Variants in TMEM140 observed in about 807,000 individuals in gnomAD.
The protein encoded by TMEM140 is transmembrane protein 140.
For synonymous variants in TMEM140, 107 were observed against 106.8 expected (o/e 1.00, Z -0.01); for missense variants, 236 against 228.5 (o/e 1.03, Z -0.21).
chr7:135,159,950 T>G (rs1437040813), intron 1 of TMEM140, among the ~76,000 whole-genome samples: 1 of 152,184 alleles, frequency 6.6e-6, no homozygotes, highest in Non-Finnish European at 1.5e-5. Flanking sequence ...CATAAGTTGA[T>G]TCACAAAAAT....
chr7:135,150,181 T>C lies in TMEM140; in HGVS notation c.-25+1911T>C, dbSNP rs150480233. On this transcript the variant is annotated intron_variant, in intron 1 of 1. Coordinates refer to ENST00000275767, the MANE Select transcript of TMEM140 (RefSeq NM_018295.5). ...GAGATGAGGACCTAAAATAGTTTTG[T>C]TTCTCTTTTCTAGTTAGCTGATCAA... Among the ~76,000 whole-genome samples the C allele has an allele frequency of 2.9e-3, 438 of 152,280 alleles. 2 individuals carry two copies. Among genetic ancestry groups the C allele is most frequent in the African/African-American group, 0.01 (417 of 41,544 alleles).
At chr7:135,158,832 G>A (rs1829858887) in intron 1 of TMEM140, among the ~76,000 whole-genome samples, 2 of 152,196 alleles carry the variant, frequency 1.3e-5, no homozygotes, top group South Asian at 4.1e-4. Flanking sequence ...CAGCTCGGCA[G>A]CAAGAGCCAT....
intron 1 of TMEM140, among the ~76,000 whole-genome samples, chr7:135,150,865 C>T (rs1363645379): frequency 6.6e-6 from 1 of 152,086 alleles, no homozygotes; most frequent in East Asian, 1.9e-4. Context: ...AACAAACAAA[C>T]AAATTAAGAT....
At position 135,164,849 on chromosome 7, in the gene TMEM140, C is replaced by T. The variant is rs1830050758; in HGVS notation, c.408C>T (p.Ser136=). Residue 136 remains serine (S), a synonymous_variant, in exon 2 of 2, where the codon TCC becomes TCT. Transcript: ENST00000275767. The part of the protein sequence containing the change: ...LLAGGLGLFL[S]YVWKWVRLSL... ...CAGGCGGCCTGGGCCTCTTCCTCTC[C>T]TATGTGTGGAAGTGGGTCAGGCTCT... 3 of 1,614,006 alleles carry T rather than the reference C, an allele frequency of 1.9e-6. No individual in the cohort carries two copies. The highest frequency in any genetic ancestry group is 2.5e-6 in the Non-Finnish European group (3 of 1,179,888).
chr7:135,160,746 A>AC (rs1436102276), intron 1 of TMEM140, among the ~76,000 whole-genome samples: 3 of 151,666 alleles, frequency 2.0e-5, no homozygotes, highest in Non-Finnish European at 4.4e-5. Context: ...AAAAAAAAAA[A>AC]ACAAAAAAAA....
Position 135,164,986 on chromosome 7 carries a change from T to G in TMEM140, c.545T>G (p.Leu182Arg). ...PLRAERAESK[L>R]ESC ...AGGGCTGAGAGGGCTGAGAGCAAGC[T>G]TGAGAGCTGCTAAAGGCTTACGTGA... Residue 182 changes from leucine to arginine, a missense_variant, in exon 2 of 2, where the codon CTT (leucine) becomes CGT (arginine). Coordinates refer to ENST00000275767, the MANE Select transcript of TMEM140 (RefSeq NM_018295.5). 1 of 1,595,884 alleles carries G rather than the reference T, an allele frequency of 6.3e-7. No individual in the cohort carries two copies. The highest frequency in any genetic ancestry group is 8.6e-7 in the Non-Finnish European group (1 of 1,168,746).
At position 135,164,611 on chromosome 7, in the gene TMEM140, A is replaced by G. The variant is rs370353179; in HGVS notation, c.170A>G (p.Glu57Gly). Reference protein sequence around the residue: ...IGFYNFCLWNEDTSTLQCHQF... With the variant: ...IGFYNFCLWNGDTSTLQCHQF... ...TTCTATAACTTCTGCCTGTGGAATG[A>G]GGACACCAGCACCCTACAGTGTCAC... is the stretch of plus-strand genomic sequence containing the variant. The change falls in exon 2 of 2, where the codon GAG becomes GGG. Residue 57 changes from glutamate to glycine, a missense_variant. By Grantham distance (98) the Glu-to-Gly change is moderately conservative. Transcript: ENST00000275767. The G allele has an allele frequency of 2.7e-5, 43 of 1,614,110 alleles. 1 individual carries two copies. The African/African-American group carries it at 3.6e-4, about 14-fold the overall frequency.
In TMEM140 at chr7:135,148,158, C is replaced by A. The variant is rs1829585970; in HGVS notation, c.-137C>A. On this transcript the variant is annotated 5_prime_UTR_variant, in exon 1 of 2. Coordinates refer to ENST00000275767, the MANE Select transcript of TMEM140 (RefSeq NM_018295.5). The stretch of plus-strand genomic sequence containing the variant: ...GCCTGCCATTTCCCTTCCACTCCTC[C>A]TTTCTGGAGTCTGACATTAGAAAGC... The A allele has an allele frequency of 2.3e-6, 1 of 439,758 alleles. No individual in the cohort carries two copies. Among genetic ancestry groups the A allele is most frequent in the African/African-American group, 2.0e-5 (1 of 48,782 alleles). 27.2% of individuals were successfully genotyped at this position (439,758 alleles called of 1,614,324 possible).
intron 1 of TMEM140, 141 bp downstream of exon 1, chr7:135,148,411 C>G: frequency 3.2e-6 from 1 of 308,698 alleles, no homozygotes; most frequent in Non-Finnish European, 6.3e-6. Context: ...TGTGACCCTC[C>G]CTCGCTCATG....
intron 1 of TMEM140, among the ~76,000 whole-genome samples, chr7:135,163,527 C>T (rs1830002063): frequency 6.6e-6 from 1 of 152,092 alleles, no homozygotes; most frequent in Admixed American, 6.6e-5. Flanking sequence ...TGCCTGTAGT[C>T]CCAGCTACTC....
chr7:135,154,766 T>A (rs1033053190), intron 1 of TMEM140, among the ~76,000 whole-genome samples: 1 of 152,216 alleles, frequency 6.6e-6, no homozygotes, highest in Non-Finnish European at 1.5e-5. Flanking sequence ...TTTGTGGCCT[T>A]ACATGTGATC....
At position 135,151,890 on chromosome 7, in the gene TMEM140, T is replaced by G. The variant is rs534057613; in HGVS notation, c.-25+3620T>G. Among the ~76,000 whole-genome samples the G allele has an allele frequency of 6.6e-6, 1 of 152,294 alleles. No individual in the cohort carries two copies. Among genetic ancestry groups the G allele is most frequent in the East Asian group, 1.9e-4 (1 of 5,188 alleles). On this transcript the variant is annotated intron_variant, in intron 1 of 1. Coordinates refer to ENST00000275767, the MANE Select transcript of TMEM140 (RefSeq NM_018295.5). This position sits in a 1 kb window ranked among gnomAD's most constrained non-coding sequence, Gnocchi z 4.3. Reference sequence around the variant, plus strand: ...TACCTCTCAACAGGCAGCTGCATCCTGGAGTCATCACAACCAAACATAAAT... The same window carrying G: ...TACCTCTCAACAGGCAGCTGCATCCGGGAGTCATCACAACCAAACATAAAT...
intron 1 of TMEM140, among the ~76,000 whole-genome samples, chr7:135,150,566 G>A (rs981831022): frequency 1.3e-5 from 2 of 152,150 alleles, no homozygotes; most frequent in African/African-American, 4.8e-5. Context: ...GTGGCAAATT[G>A]CCTTTGTAAT....
chr7:135,154,696 C>G (rs1342176312), intron 1 of TMEM140, among the ~76,000 whole-genome samples: 2 of 152,100 alleles, frequency 1.3e-5, no homozygotes, highest in Non-Finnish European at 2.9e-5. Flanking sequence ...TTTTATTCCA[C>G]TGTGGTCTGA....
chr7:135,150,394 T>C (rs547959066), intron 1 of TMEM140, among the ~76,000 whole-genome samples: 2 of 152,184 alleles, frequency 1.3e-5, no homozygotes, highest in East Asian at 3.8e-4. Context: ...AAAAATACAT[T>C]TGGTGTTTGC....
At position 135,164,629 on chromosome 7, in the gene TMEM140, A is replaced by C. The variant is rs760812656; in HGVS notation, c.188A>C (p.Gln63Pro). 6.2e-7 allele frequency: 1 copy of C among 1,613,548 alleles called. No homozygotes were observed. The highest frequency in any genetic ancestry group is 8.5e-7 in the Non-Finnish European group (1 of 1,179,548). The change falls in exon 2 of 2, where the codon CAG (glutamine) becomes CCG (proline). Residue 63 changes from glutamine to proline, a missense_variant. Coordinates refer to ENST00000275767, the MANE Select transcript of TMEM140 (RefSeq NM_018295.5). ...TGGAATGAGGACACCAGCACCCTAC[A>C]GTGTCACCAGTTCCCTGAGCTGGAA... ...CLWNEDTSTL[Q>P]CHQFPELEAL...
chr7:135,156,142 T>C (rs911022078), intron 1 of TMEM140, among the ~76,000 whole-genome samples: 1 of 152,308 alleles, frequency 6.6e-6, no homozygotes, highest in East Asian at 1.9e-4. Context: ...GGATTTCCTT[T>C]ATAGGTGACT....
Position 135,165,010 on chromosome 7 carries a change from G to C in TMEM140, c.*11G>C. On this transcript the variant is annotated 3_prime_UTR_variant, in exon 2 of 2. Coordinates refer to ENST00000275767, the MANE Select transcript of TMEM140 (RefSeq NM_018295.5). ...CTTGAGAGCTGCTAAAGGCTTACGT[G>C]ATTGCAAGGGTTCAGTTCCAACCAT... 6.4e-7 allele frequency: 1 copy of C among 1,561,902 alleles called. No homozygotes were observed. Among genetic ancestry groups the C allele is most frequent in the Non-Finnish European group, 8.7e-7 (1 of 1,151,658 alleles).
rs1241703688 is a variant in TMEM140 at position 135,148,276 on chromosome 7, T to C, written c.-25+6T>C. 1 of 362,160 alleles carries C rather than the reference T, an allele frequency of 2.8e-6. No individual in the cohort carries two copies. The highest frequency in any genetic ancestry group is 5.4e-6 in the Non-Finnish European group (1 of 184,818). The allele number at this position is 362,160 out of a possible 1,614,324, so 22.4% of individuals were successfully genotyped here. A position where few individuals can be genotyped will look rare whatever the true frequency, so the allele number is the denominator to read the frequency against. On this transcript the variant is annotated splice_donor_region_variant and intron_variant, in intron 1 of 1. Coordinates refer to ENST00000275767, the MANE Select transcript of TMEM140 (RefSeq NM_018295.5). Reference sequence around the variant, plus strand: ...GGTCTCTGCACCTCCTTTCTGTAAGTACCGATCCTGCAAGCATCACAGCTT... The same window carrying C: ...GGTCTCTGCACCTCCTTTCTGTAAGCACCGATCCTGCAAGCATCACAGCTT...
Sources: allele counts gnomAD v4.1 joint callset (sites outside exome capture counted in the v4.1 genomes callset), GRCh38; gene constraint gnomAD v4.1.1; non-coding constraint Gnocchi (gnomAD v3.1); transcripts MANE v1.5; gene names NCBI Gene and HGNC (gene_info 2026-07-23, HGNC 2026-07-21).